The following ABCD3 variants were observed in gnomAD, a reference collection of about 807,000 sequenced individuals.
ABCD3 encodes ATP-binding cassette sub-family D member 3.
A neutral mutation model predicts 105.5 loss-of-function variants in ABCD3; 41 were observed. The ratio of observed to expected loss-of-function variants is 0.39; its 90% CI spans 0.30 to 0.50. ABCD3 has a LOEUF of 0.50. ABCD3 is among the 20% of genes least tolerant of loss of function. The pLI is 0.84. For missense variants in ABCD3, 622 were observed against 806.3 expected (o/e 0.77, Z 2.77); for synonymous variants, 258 against 269.0 (o/e 0.96, Z 0.40).
chr1:94,440,402 T>C (rs985400483), intron 1 of ABCD3, among the ~76,000 whole-genome samples: 1 of 152,258 alleles, frequency 6.6e-6, no homozygotes, highest in African/African-American at 2.4e-5. Context: ...CATAGTATTC[T>C]GTTCCTTGCA....
intron 1 of ABCD3, among the ~76,000 whole-genome samples, chr1:94,442,026 G>C (rs2100916094): frequency 1.3e-5 from 2 of 152,206 alleles, no homozygotes; most frequent in East Asian, 1.9e-4. Flanking sequence ...TTTGTTTTTA[G>C]AATGTAAACA....
intron 22 of ABCD3, 152 bp from the exon 23 acceptor site, chr1:94,516,900 G>A (rs1650944902): frequency 1.5e-6 from 1 of 668,794 alleles, no homozygotes; most frequent in East Asian, 2.7e-5. Context: ...TGAGATCCTT[G>A]GTCATGGAGT....
At chr1:94,421,230 G>A (rs947565978) in intron 1 of ABCD3, among the ~76,000 whole-genome samples, 3 of 151,886 alleles carry the variant, frequency 2.0e-5, no homozygotes, top group African/African-American at 7.3e-5. Flanking sequence ...TATTTTTATA[G>A]GTTTTTTAGG....
intron 1 of ABCD3, among the ~76,000 whole-genome samples, chr1:94,444,961 C>A (rs1052813960): frequency 6.6e-6 from 1 of 152,192 alleles, no homozygotes; most frequent in African/African-American, 2.4e-5. Flanking sequence ...TGGAAAACTG[C>A]TTAAGGCTTT....
At chr1:94,389,347 G>A in the ABCD3 span, among the ~76,000 whole-genome samples, 1 of 152,196 alleles carries the variant, frequency 6.6e-6, no homozygotes, top group African/African-American at 2.4e-5. Context: ...ATGAGGCCAT[G>A]ACATCCATGC....
chr1:94,393,630 C>A, the ABCD3 span, among the ~76,000 whole-genome samples: 3 of 151,764 alleles, frequency 2.0e-5, no homozygotes, highest in Non-Finnish European at 4.4e-5. Flanking sequence ...CAGAGTGAGA[C>A]TCTGTCTCAA....
the ABCD3 span, among the ~76,000 whole-genome samples, chr1:94,387,607 T>C: frequency 2.0e-5 from 3 of 152,200 alleles, no homozygotes; most frequent in Admixed American, 6.5e-5. Flanking sequence ...CCAAACCCAT[T>C]GTGCTACTTA....
Position 94,475,285 on chromosome 1 carries a change from A to T in ABCD3, c.503+45A>T, listed in dbSNP as rs112436069. ...TATATTAAAAATATTTAAATAGAAG[A>T]GTATTTATGAAGCTGATCAATATAG... is the stretch of plus-strand genomic sequence containing the variant. On this transcript the variant is annotated intron_variant, in intron 6 of 22. Coordinates refer to ENST00000370214, the MANE Select transcript of ABCD3 (RefSeq NM_002858.4). 6 of 1,249,266 alleles carry T rather than the reference A, an allele frequency of 4.8e-6. No homozygotes were observed. The South Asian group carries it at 8.4e-5, about 18-fold the overall frequency. The allele number at this position is 1,249,266 out of a possible 1,614,324, so 77.4% of individuals were successfully genotyped here.
intron 7 of ABCD3, among the ~76,000 whole-genome samples, chr1:94,477,317 A>G (rs1648805483): frequency 6.6e-6 from 1 of 151,434 alleles, no homozygotes; most frequent in Non-Finnish European, 1.5e-5. Flanking sequence ...TATCCTAGTA[A>G]TAATGTGGAT....
the ABCD3 span, among the ~76,000 whole-genome samples, chr1:94,388,587 A>T: frequency 1.4e-4 from 22 of 152,330 alleles, no homozygotes; most frequent in East Asian, 3.3e-3. Flanking sequence ...TCCCATGTTC[A>T]TCCCTTGACC....
chr1:94,390,920 G>A, the ABCD3 span, among the ~76,000 whole-genome samples: 2 of 152,136 alleles, frequency 1.3e-5, no homozygotes, highest in Admixed American at 1.3e-4. Context: ...CATTCTAACT[G>A]GAGCATAATA....
intron 1 of ABCD3, among the ~76,000 whole-genome samples, chr1:94,432,938 TC>T (rs1218672619): frequency 4.0e-5 from 6 of 151,628 alleles, no homozygotes; most frequent in Non-Finnish European, 7.4e-5. Flanking sequence ...CACTGCAACC[TC>T]TGCCTCCTGG....
chr1:94,390,707 T>C, the ABCD3 span, among the ~76,000 whole-genome samples: 75,234 of 152,048 alleles, frequency 0.49, 18,911 homozygotes, highest in Middle Eastern at 0.69. Flanking sequence ...GAAGGACAGT[T>C]GCAAGTGTCT....
chr1:94,408,036 T>C, the ABCD3 span, among the ~76,000 whole-genome samples: 1 of 152,246 alleles, frequency 6.6e-6, no homozygotes, highest in African/African-American at 2.4e-5. Flanking sequence ...GCCTGAAATA[T>C]TTATTACTTG....
chr1:94,488,597 A>G (rs892716316), intron 13 of ABCD3, among the ~76,000 whole-genome samples: 5 of 152,038 alleles, frequency 3.3e-5, no homozygotes, highest in African/African-American at 7.2e-5. Context: ...TGATGACTGA[A>G]TATCTTTCCT....
chr1:94,403,543 C>T, the ABCD3 span, among the ~76,000 whole-genome samples: 104 of 152,330 alleles, frequency 6.8e-4, no homozygotes, highest in Non-Finnish European at 1.4e-3. Context: ...TTGCACTCCT[C>T]CCTTACCAGT....
chr1:94,517,144 C>T lies in ABCD3; in HGVS notation c.*15C>T. 6.4e-7 allele frequency: 1 copy of T among 1,554,936 alleles called. No homozygotes were observed. Among genetic ancestry groups the T allele is most frequent in the South Asian group, 1.1e-5 (1 of 89,808 alleles). On this transcript the variant is annotated 3_prime_UTR_variant, in exon 23 of 23. Coordinates refer to ENST00000370214, the MANE Select transcript of ABCD3 (RefSeq NM_002858.4). ...TTGGCTCTTAGAGAAATCTGGAGAA[C>T]TATACCTGCTTCAGTGAAATAATTA...
intron 1 of ABCD3, among the ~76,000 whole-genome samples, chr1:94,450,762 G>C (rs1182200881): frequency 2.0e-5 from 3 of 152,046 alleles, no homozygotes; most frequent in African/African-American, 7.2e-5. Context: ...GCTGGGTTAG[G>C]GTCTCCACGA....
chr1:94,488,076 C>T, intron 13 of ABCD3, 93 bp downstream of exon 13: 1 of 1,036,298 alleles, frequency 9.6e-7, no homozygotes, highest in Non-Finnish European at 1.5e-6. Context: ...GATAAGGGGT[C>T]AACATTTCCT....
Sources: allele counts gnomAD v4.1 joint callset (sites outside exome capture counted in the v4.1 genomes callset), GRCh38; gene constraint gnomAD v4.1.1; transcripts MANE v1.5; gene names NCBI Gene and HGNC (gene_info 2026-07-23, HGNC 2026-07-21).